NUDT5: variants seen among roughly 807,000 people sequenced by gnomAD.
The protein encoded by NUDT5 is nudix hydrolase 5.
A neutral mutation model predicts 34.1 loss-of-function variants in NUDT5; 21 were observed. That is an observed-to-expected ratio of 0.62 (90% CI 0.44 to 0.89). The LOEUF (loss-of-function observed/expected upper bound fraction) is 0.89. Ranked by LOEUF, NUDT5 falls within the 40% of genes least tolerant of loss-of-function variation. The probability of loss-of-function intolerance (pLI) is 0.00; values close to 1 mark genes in which losing one functional copy is unlikely to be tolerated. For synonymous variants in NUDT5, 85 were observed against 97.6 expected, an observed-to-expected ratio of 0.87 and a Z score of 0.76; for missense variants, 249 against 274.8, an observed-to-expected ratio of 0.91 and a Z score of 0.66.
At chr10:12,188,091 A>G (rs1326152321) in intron 1 of NUDT5, among the ~76,000 whole-genome samples, 1 of 150,900 alleles carries the variant, frequency 6.6e-6, no homozygotes, top group Non-Finnish European at 1.5e-5. Flanking sequence ...GAGAGCCGAG[A>G]TCACGCCACT....
chr10:12,169,394 G>A lies in NUDT5; in HGVS notation c.550+1323C>T, dbSNP rs1834798320. 1.9e-6 allele frequency: 2 copies of A among 1,065,970 alleles called. No individual in the cohort carries two copies. The highest frequency in any genetic ancestry group is 2.4e-5 in the Admixed American group (1 of 41,336). The allele number at this position is 1,065,970 out of a possible 1,614,324, so 66.0% of individuals were successfully genotyped here. On this transcript the variant is annotated intron_variant, in intron 9 of 9. Transcript: ENST00000491614. The surrounding 1 kb of genome is among the most constrained non-coding windows in gnomAD (Gnocchi z 4.8). ...CTGCTTTCCACGCACCTCCTCAGAG[G>A]GAGGGGCTGTTATTGTTCCTGTTTT...
chr10:12,184,455 T>C, intron 3 of NUDT5: 1 of 1,537,390 alleles, frequency 6.5e-7, no homozygotes, highest in African/African-American at 1.4e-5. Context: ...TACAAAATGT[T>C]TTTTTCCCAA....
intron 3 of NUDT5, among the ~76,000 whole-genome samples, chr10:12,183,385 T>A (rs1414928082): frequency 6.6e-6 from 1 of 152,242 alleles, no homozygotes; most frequent in Non-Finnish European, 1.5e-5. Context: ...TCTCTTAACA[T>A]GTTTCCTACA....
chr10:12,166,827 A>G lies in NUDT5; in HGVS notation c.*875T>C. On this transcript the variant is annotated 3_prime_UTR_variant, in exon 10 of 10. Transcript: ENST00000491614. ...AACACTGGTAGAACTGCTAGATGAC[A>G]GGGTTTCAGGCATGGGAACCAGATC... 6.5e-6 allele frequency: 3 copies of G among 459,396 alleles called. No individual in the cohort carries two copies. Among genetic ancestry groups the G allele is most frequent in the East Asian group, 7.0e-5 (1 of 14,272 alleles). 28.5% of individuals were successfully genotyped at this position (459,396 alleles called of 1,614,324 possible). A position where few individuals can be genotyped will look rare whatever the true frequency, so the allele number is the denominator to read the frequency against.
At position 12,169,498 on chromosome 10, in the gene NUDT5, G is replaced by A. The variant is rs1036494185; in HGVS notation, c.550+1219C>T. The A allele has an allele frequency of 1.3e-5, 7 of 548,232 alleles. No homozygotes were observed. Among genetic ancestry groups the A allele is most frequent in the African/African-American group, 3.8e-5 (2 of 52,072 alleles). The allele number at this position is 548,232 out of a possible 1,614,324, so 34.0% of individuals were successfully genotyped here. ...GGTCCGCGGAGCCTCAAACCGAGTC[G>A]GGCCTGTGACTCCGAGCTGCGCTGC... is the stretch of plus-strand genomic sequence containing the variant. On this transcript the variant is annotated intron_variant, in intron 9 of 9. Coordinates refer to ENST00000491614, the MANE Select transcript of NUDT5 (RefSeq NM_014142.4). The surrounding 1 kb of genome is among the most constrained non-coding windows in gnomAD (Gnocchi z 4.8).
At chr10:12,184,072 G>C (rs1213855275) in intron 3 of NUDT5, among the ~76,000 whole-genome samples, 1 of 151,806 alleles carries the variant, frequency 6.6e-6, no homozygotes, top group Non-Finnish European at 1.5e-5. Flanking sequence ...GTTTTTTTGA[G>C]ACAGAGTCTC....
At position 12,166,868 on chromosome 10, in the gene NUDT5, C is replaced by A; in HGVS notation, c.*834G>T. 1 of 408,194 alleles carries A rather than the reference C, an allele frequency of 2.4e-6. No homozygotes were observed. Among genetic ancestry groups the A allele is most frequent in the South Asian group, 1.9e-5 (1 of 53,520 alleles). The allele number at this position is 408,194 out of a possible 1,614,324, so 25.3% of individuals were successfully genotyped here. ...GAACCAGATCAATCTGTACTTCTTG[C>A]TGTGAACTACTCTGTATTGGGTTTC... On this transcript the variant is annotated 3_prime_UTR_variant, in exon 10 of 10. Coordinates refer to ENST00000491614, the MANE Select transcript of NUDT5 (RefSeq NM_014142.4).
chr10:12,170,852 A>G lies in NUDT5; in HGVS notation c.496+48T>C. 6.2e-7 allele frequency: 1 copy of G among 1,613,434 alleles called. No homozygotes were observed. The highest frequency in any genetic ancestry group is 8.5e-7 in the Non-Finnish European group (1 of 1,179,380). ...ACCCAAAATGTCTGCAGCCATCACCACTACACTAAGTCATACACGCTCGGC... is the reference window on the plus strand; with the variant it reads ...ACCCAAAATGTCTGCAGCCATCACCGCTACACTAAGTCATACACGCTCGGC... On this transcript the variant is annotated intron_variant, in intron 8 of 9. Transcript: ENST00000491614. This position sits in a 1 kb window ranked among gnomAD's most constrained non-coding sequence, Gnocchi z 4.9.
intron 2 of NUDT5, among the ~76,000 whole-genome samples, chr10:12,185,346 G>A (rs1835108491): frequency 6.6e-6 from 1 of 152,232 alleles, no homozygotes. Flanking sequence ...AGTTTCATAT[G>A]TAGAAATGGC....
At chr10:12,186,690 C>T (rs1001789196) in intron 1 of NUDT5, among the ~76,000 whole-genome samples, 9 of 150,672 alleles carry the variant, frequency 6.0e-5, no homozygotes, top group South Asian at 4.2e-4. Context: ...TGCAATGGCG[C>T]GATCTCAGCT....
rs200135618 is a variant in NUDT5 at position 12,184,916 on chromosome 10, G to A, written c.104C>T (p.Thr35Met). 7.6e-6 allele frequency: 12 copies of A among 1,585,184 alleles called. No individual in the cohort carries two copies. The highest frequency in any genetic ancestry group is 4.5e-5 in the South Asian group (4 of 88,094). The change falls in exon 3 of 10, where the codon ACG becomes ATG. Residue 35 changes from threonine to methionine, a missense_variant. Thr to Met is a moderately conservative substitution (Grantham distance 81, BLOSUM62 -1). Coordinates refer to ENST00000491614, the MANE Select transcript of NUDT5 (RefSeq NM_014142.4). ...AGTTTTACCAGTAGGATCCATGTAC[G>A]TTGTTTTTTCAAGCTTGACCCATTT... ...EGKWVKLEKTTYMDPTGKTRT... is the reference protein window; with the variant it reads ...EGKWVKLEKTMYMDPTGKTRT...
chr10:12,179,236 G>A, intron 3 of NUDT5, 104 bp from the exon 4 acceptor site: 3 of 838,148 alleles, frequency 3.6e-6, no homozygotes, highest in East Asian at 2.5e-5. Flanking sequence ...GCATGCAAAT[G>A]TACTCATGAT....
chr10:12,189,684 A>C (rs1481106509), intron 1 of NUDT5, among the ~76,000 whole-genome samples: 3 of 152,196 alleles, frequency 2.0e-5, no homozygotes, highest in Non-Finnish European at 2.9e-5. Context: ...AGAACGAGAA[A>C]TGAGCTTTAA....
intron 5 of NUDT5, among the ~76,000 whole-genome samples, chr10:12,174,815 A>G (rs1217053337): frequency 1.3e-5 from 2 of 152,138 alleles, no homozygotes; most frequent in Admixed American, 1.3e-4. Context: ...GCCTGCTCAT[A>G]TTCTGCTTCC....
In NUDT5 at chr10:12,187,267, C is replaced by T. The variant is rs1835145179; in HGVS notation, c.-41-935G>A. Reference sequence around the variant, plus strand: ...CAGGCTGGTCTCAGACTCCCGGGCTCAAGCGATCCTCCTCCCGCCTCGGTG... The same window carrying T: ...CAGGCTGGTCTCAGACTCCCGGGCTTAAGCGATCCTCCTCCCGCCTCGGTG... On this transcript the variant is annotated intron_variant, in intron 1 of 9. Coordinates refer to ENST00000491614, the MANE Select transcript of NUDT5 (RefSeq NM_014142.4). The surrounding 1 kb of genome is among the most constrained non-coding windows in gnomAD (Gnocchi z 5.4). Among the ~76,000 whole-genome samples the T allele has an allele frequency of 6.6e-6, 1 of 152,064 alleles. No homozygotes were observed. The highest frequency in any genetic ancestry group is 1.5e-5 in the Non-Finnish European group (1 of 68,006).
chr10:12,186,713 C>T (rs531309568), intron 1 of NUDT5, among the ~76,000 whole-genome samples: 39 of 151,494 alleles, frequency 2.6e-4, no homozygotes, highest in Non-Finnish European at 5.2e-4. Flanking sequence ...CTGCAACCTC[C>T]GCCTCCTGGG....
intron 1 of NUDT5, among the ~76,000 whole-genome samples, chr10:12,189,499 C>T (rs930359356): frequency 6.6e-6 from 1 of 152,194 alleles, no homozygotes; most frequent in Middle Eastern, 3.2e-3. Context: ...CAAAAATGAG[C>T]TATTTCAAGA....
At chr10:12,186,428 T>C (rs999869217) in intron 1 of NUDT5, 96 bp from the exon 2 acceptor site, 2 of 683,840 alleles carry the variant, frequency 2.9e-6, no homozygotes, top group Admixed American at 2.4e-5. Flanking sequence ...CGGCAAAAAA[T>C]TCATCTACCA....
chr10:12,172,873 A>G lies in NUDT5; in HGVS notation c.386-7T>C. The G allele has an allele frequency of 1.2e-6, 2 of 1,600,972 alleles. No homozygotes were observed. Among genetic ancestry groups the G allele is most frequent in the South Asian group, 2.2e-5 (2 of 90,622 alleles). ...CCTGGGTCCATACAGACCGCTGTGG[A>G]GAGAAGGGACAGTCAGATGCGTCAG... On this transcript the variant is annotated splice_region_variant and splice_polypyrimidine_tract_variant and intron_variant, in intron 6 of 9. Transcript: ENST00000491614.
Sources: allele counts gnomAD v4.1 joint callset (sites outside exome capture counted in the v4.1 genomes callset), GRCh38; gene constraint gnomAD v4.1.1; non-coding constraint Gnocchi (gnomAD v3.1); transcripts MANE v1.5; gene names NCBI Gene and HGNC (gene_info 2026-07-23, HGNC 2026-07-21).